The following CDH13 variants were observed in gnomAD, a reference collection of about 807,000 sequenced individuals.
The protein encoded by CDH13 is cadherin-13.
A neutral mutation model predicts 63.8 loss-of-function variants in CDH13; 24 were observed. That is an observed-to-expected ratio of 0.38 (90% confidence interval 0.27 to 0.53). CDH13 has a LOEUF of 0.53. Ranked by LOEUF, CDH13 falls within the 20% of genes least tolerant of loss-of-function variation. The probability of loss-of-function intolerance (pLI) is 0.85; values close to 1 mark genes in which losing one functional copy is unlikely to be tolerated. For missense variants in CDH13, 1,049 were observed against 903.1 expected (o/e 1.16, Z -2.07); for synonymous variants, 503 against 355.3 (o/e 1.42, Z -4.67).
At chr16:83,397,123 C>T (rs1038791973) in intron 6 of CDH13, among the ~76,000 whole-genome samples, 4 of 152,106 alleles carry the variant, frequency 2.6e-5, no homozygotes, top group Non-Finnish European at 4.4e-5. Flanking sequence ...CCCAGCATGT[C>T]CCTCCTCGGC....
At chr16:83,213,608 G>A (rs1016832263) in intron 4 of CDH13, among the ~76,000 whole-genome samples, 2 of 152,226 alleles carry the variant, frequency 1.3e-5, no homozygotes, top group African/African-American at 4.8e-5. Context: ...CATAGCTCTT[G>A]TAGAATTCCC....
intron 1 of CDH13, among the ~76,000 whole-genome samples, chr16:82,713,698 G>T (rs1194480567): frequency 6.6e-6 from 1 of 151,532 alleles, no homozygotes; most frequent in East Asian, 1.9e-4. Flanking sequence ...AAAAACAGTG[G>T]TGTGCTCTTT....
rs150535782 is a variant in CDH13, at chr16:82,742,165, G to C, written c.45+115028G>C. Among the ~76,000 whole-genome samples the C allele has an allele frequency of 7.2e-5, 11 of 152,244 alleles. No homozygotes were observed. In the East Asian group the frequency reaches 2.1e-3, roughly 29 times the overall value. On this transcript the variant is annotated intron_variant, in intron 1 of 13. Coordinates refer to ENST00000567109, the MANE Select transcript of CDH13 (RefSeq NM_001257.5). ...TGTATGTTCCAACATAAGAAATTAA[G>C]AGCACAAGAAATGAGAATCTTGTAA...
At chr16:83,379,365 C>G (rs1027435591) in intron 6 of CDH13, among the ~76,000 whole-genome samples, 1 of 152,116 alleles carries the variant, frequency 6.6e-6, no homozygotes, top group Non-Finnish European at 1.5e-5. Context: ...TACAAAGTCA[C>G]TCCAGAACAT....
chr16:83,453,779 G>C (rs1281506364), intron 6 of CDH13, among the ~76,000 whole-genome samples: 2 of 151,726 alleles, frequency 1.3e-5, no homozygotes, highest in African/African-American at 2.4e-5. Context: ...ATCTGTGAGA[G>C]CTGGGACTCT....
chr16:82,917,686 C>T (rs1163220181), intron 2 of CDH13, among the ~76,000 whole-genome samples: 4 of 151,944 alleles, frequency 2.6e-5, no homozygotes, highest in African/African-American at 7.3e-5. Context: ...CTGAGGCAGG[C>T]GGATCATTTG....
At chr16:83,435,348 A>G (rs9936598) in intron 6 of CDH13, among the ~76,000 whole-genome samples, 62,965 of 151,852 alleles carry the variant, frequency 0.41, 13,317 homozygotes, top group Middle Eastern at 0.51. Context: ...CTGGCCCCCT[A>G]TTTGACATAT....
intron 3 of CDH13, among the ~76,000 whole-genome samples, chr16:83,080,052 C>T (rs1356507997): frequency 6.6e-6 from 1 of 152,184 alleles, no homozygotes; most frequent in Non-Finnish European, 1.5e-5. Context: ...TGAAGTGCCT[C>T]ATCAAATTTA....
intron 8 of CDH13, among the ~76,000 whole-genome samples, chr16:83,645,947 T>A (rs1429754710): frequency 6.6e-6 from 1 of 152,208 alleles, no homozygotes; most frequent in African/African-American, 2.4e-5. Context: ...TTGTGAATCC[T>A]TTCCTGGTTT....
At chr16:83,494,188 A>G (rs2074083320) in intron 7 of CDH13, among the ~76,000 whole-genome samples, 1 of 152,232 alleles carries the variant, frequency 6.6e-6, no homozygotes, top group Admixed American at 6.5e-5. Context: ...CAGAGTGATG[A>G]TGAATTTAGA....
chr16:83,229,964 A>G (rs2039956474), intron 5 of CDH13, among the ~76,000 whole-genome samples: 1 of 152,142 alleles, frequency 6.6e-6, no homozygotes, highest in South Asian at 2.1e-4. Flanking sequence ...CTGGATAGTC[A>G]GTGTTTGACA....
At chr16:83,060,315 A>G (rs1253432147) in intron 3 of CDH13, among the ~76,000 whole-genome samples, 1 of 152,194 alleles carries the variant, frequency 6.6e-6, no homozygotes, top group Non-Finnish European at 1.5e-5. Flanking sequence ...AAAATTGTGG[A>G]TGTTGATAAA....
intron 4 of CDH13, among the ~76,000 whole-genome samples, chr16:83,185,434 TA>T (rs1025190013): frequency 3.9e-5 from 6 of 152,204 alleles, no homozygotes; most frequent in Non-Finnish European, 7.4e-5. Flanking sequence ...AACAGATCTT[TA>T]AAAAAAATTG....
chr16:82,757,579 T>C (rs2034658775), intron 1 of CDH13, among the ~76,000 whole-genome samples: 1 of 152,112 alleles, frequency 6.6e-6, no homozygotes, highest in African/African-American at 2.4e-5. Context: ...ACTGATCAGG[T>C]AGAAGCTAGT....
intron 2 of CDH13, among the ~76,000 whole-genome samples, chr16:82,862,465 T>G (rs1476610527): frequency 6.6e-6 from 1 of 152,226 alleles, no homozygotes; most frequent in Non-Finnish European, 1.5e-5. Flanking sequence ...AACCATACCC[T>G]TGACCTCCAG....
chr16:83,396,217 C>G (rs79142012), intron 6 of CDH13, among the ~76,000 whole-genome samples: 3 of 152,132 alleles, frequency 2.0e-5, no homozygotes, highest in Non-Finnish European at 1.5e-5. Flanking sequence ...AGGTTGATTC[C>G]GTGCCTTTGC....
chr16:83,260,806 G>A (rs924385446), intron 5 of CDH13, among the ~76,000 whole-genome samples: 1 of 151,994 alleles, frequency 6.6e-6, no homozygotes, highest in Non-Finnish European at 1.5e-5. Flanking sequence ...GTAAGCCTTC[G>A]ATTGAATATT....
At chr16:82,689,924 C>A (rs1281244830) in intron 1 of CDH13, among the ~76,000 whole-genome samples, 1 of 129,548 alleles carries the variant, frequency 7.7e-6, no homozygotes, top group East Asian at 2.4e-4. Context: ...GTGGGCTGAT[C>A]ACTTGAGGTC....
At chr16:83,131,386 C>A (rs1280635273) in intron 4 of CDH13, among the ~76,000 whole-genome samples, 1 of 152,172 alleles carries the variant, frequency 6.6e-6, no homozygotes, top group Non-Finnish European at 1.5e-5. Flanking sequence ...ATTTTCTTTC[C>A]ATTTTTGAAC....
Sources: gnomAD v4.1 joint callset for allele counts (sites outside exome capture counted in the v4.1 genomes callset) on GRCh38, gnomAD v4.1.1 for gene constraint, MANE v1.5 for transcripts, NCBI Gene and HGNC (gene_info 2026-07-23, HGNC 2026-07-21) for gene names.